GUCY1A2: variants seen among roughly 807,000 people sequenced by gnomAD.
The protein encoded by GUCY1A2 is guanylate cyclase soluble subunit alpha-2.
In GUCY1A2, 27 loss-of-function variants were observed where a neutral mutation model predicts 63.5. That is an observed-to-expected ratio of 0.43 (90% CI 0.31 to 0.59). The LOEUF (loss-of-function observed/expected upper bound fraction) is 0.59, where lower values mean the gene tolerates loss of function less well. Ranked by LOEUF, GUCY1A2 falls within the 20% of genes least tolerant of loss-of-function variation. GUCY1A2 has a pLI of 0.11. For missense variants in GUCY1A2, 768 were observed against 913.3 expected, an observed-to-expected ratio of 0.84 and a Z score of 2.05; for synonymous variants, 364 against 343.5, an observed-to-expected ratio of 1.06 and a Z score of -0.66.
intron 3 of GUCY1A2, among the ~76,000 whole-genome samples, chr11:106,951,563 C>T (rs1003765206): frequency 6.6e-6 from 1 of 152,140 alleles, no homozygotes. Flanking sequence ...TGTTCACATC[C>T]TTTGCCCACT....
intron 6 of GUCY1A2, among the ~76,000 whole-genome samples, chr11:106,721,897 T>C (rs954724038): frequency 6.6e-6 from 1 of 152,198 alleles, no homozygotes; most frequent in Admixed American, 6.5e-5. Context: ...GTTGCACCCA[T>C]AGTACCTATC....
intron 1 of GUCY1A2, among the ~76,000 whole-genome samples, chr11:107,013,036 G>A (rs1861770320): frequency 6.6e-6 from 1 of 151,894 alleles, no homozygotes; most frequent in East Asian, 1.9e-4. Flanking sequence ...TCCTTGACAT[G>A]TATTAAGATA....
chr11:106,859,192 A>T (rs1542689), intron 4 of GUCY1A2, among the ~76,000 whole-genome samples: 129,898 of 151,878 alleles, frequency 0.86, 55,902 homozygotes, highest in Non-Finnish European at 0.91. Context: ...AATTCAATTA[A>T]CAGGCACCAA....
rs1199932737 is a variant in GUCY1A2 at position 106,911,520 on chromosome 11, G to T, written c.1206+27940C>A. Among the ~76,000 whole-genome samples, 3 of 152,076 alleles carry T rather than the reference G, an allele frequency of 2.0e-5. No homozygotes were observed. The East Asian group carries it at 5.8e-4, about 29-fold the overall frequency. On this transcript the variant is annotated intron_variant, in intron 4 of 7. Coordinates refer to ENST00000526355, the MANE Select transcript of GUCY1A2 (RefSeq NM_000855.3). The stretch of plus-strand genomic sequence containing the variant: ...AGAAGCAGCAGAAGTTAAAGCACAG[G>T]ATTTAGGTAATCCTTAAATTCGACA...
At chr11:106,893,972 G>A (rs888838629) in intron 4 of GUCY1A2, among the ~76,000 whole-genome samples, 2 of 152,168 alleles carry the variant, frequency 1.3e-5, no homozygotes, top group Non-Finnish European at 2.9e-5. Context: ...TCCCACAAGG[G>A]AAGGGGGAAA....
At chr11:106,857,725 CT>C (rs796345141) in intron 4 of GUCY1A2, among the ~76,000 whole-genome samples, 41 of 152,252 alleles carry the variant, frequency 2.7e-4, no homozygotes, top group African/African-American at 9.4e-4. Context: ...CATAGATAGA[CT>C]TTTTTCTTGT....
intron 4 of GUCY1A2, chr11:106,826,812 A>C (rs1217688326): frequency 1.2e-6 from 2 of 1,609,082 alleles, no homozygotes; most frequent in African/African-American, 2.7e-5. Flanking sequence ...GCCAGGATGT[A>C]GTACAGATGT....
At chr11:106,795,984 G>A (rs1461208237) in intron 5 of GUCY1A2, among the ~76,000 whole-genome samples, 1 of 152,142 alleles carries the variant, frequency 6.6e-6, no homozygotes, top group Admixed American at 6.5e-5. Flanking sequence ...TTATGAATCT[G>A]GGTGCTCCTG....
rs186940442 is a variant in GUCY1A2, at chr11:106,840,597, A to G, written c.1207-30119T>C. On this transcript the variant is annotated intron_variant, in intron 4 of 7. Transcript: ENST00000526355. ...ACAGAGATTAAGAAATTCCAGCAGT[A>G]AGAATACACACATACATACACATAA... is the stretch of plus-strand genomic sequence containing the variant. 2.6e-3 allele frequency among the ~76,000 whole-genome samples: 395 copies of G among 152,112 alleles called. 2 individuals carry two copies. Among genetic ancestry groups the G allele is most frequent in the Admixed American group, 4.0e-3 (61 of 15,258 alleles).
At chr11:106,709,309 ATATATATT>A (rs1322878582) in intron 6 of GUCY1A2, among the ~76,000 whole-genome samples, 1 of 75,574 alleles carries the variant, frequency 1.3e-5, no homozygotes, top group Non-Finnish European at 2.1e-5. Flanking sequence ...TTTTATATTT[ATATATATT>A]TATATATATT....
At chr11:106,778,420 T>C in intron 5 of GUCY1A2, among the ~76,000 whole-genome samples, 1 of 152,226 alleles carries the variant, frequency 6.6e-6, no homozygotes, top group East Asian at 1.9e-4. Context: ...GGCTACGATG[T>C]GAGCTTTTAA....
At chr11:106,917,312 A>T (rs1860381544) in intron 4 of GUCY1A2, among the ~76,000 whole-genome samples, 1 of 145,494 alleles carries the variant, frequency 6.9e-6, no homozygotes, top group African/African-American at 2.4e-5. Flanking sequence ...TATTAGGAAA[A>T]GATGCAAGAT....
intron 1 of GUCY1A2, among the ~76,000 whole-genome samples, chr11:107,001,585 CTGT>C (rs1036605722): frequency 6.6e-6 from 1 of 151,908 alleles, no homozygotes; most frequent in African/African-American, 2.4e-5. Context: ...TGCATATTCT[CTGT>C]TTTTCTACTT....
intron 6 of GUCY1A2, among the ~76,000 whole-genome samples, chr11:106,756,159 A>G (rs1863970466): frequency 6.6e-6 from 1 of 152,162 alleles, no homozygotes; most frequent in Non-Finnish European, 1.5e-5. Flanking sequence ...ATCAGAGACT[A>G]GGATTGCAAC....
chr11:106,800,903 C>T (rs1389756018), intron 5 of GUCY1A2, among the ~76,000 whole-genome samples: 1 of 151,540 alleles, frequency 6.6e-6, no homozygotes, highest in African/African-American at 2.4e-5. Context: ...AAAAGAATCT[C>T]ATAGAATCAG....
At chr11:106,979,254 G>C (rs1861302655) in intron 2 of GUCY1A2, among the ~76,000 whole-genome samples, 2 of 152,092 alleles carry the variant, frequency 1.3e-5, no homozygotes, top group Non-Finnish European at 2.9e-5. Context: ...AGGAGATCAA[G>C]ACCATCCTGG....
intron 1 of GUCY1A2, among the ~76,000 whole-genome samples, chr11:107,009,679 G>A (rs773936158): frequency 5.3e-5 from 8 of 151,984 alleles, no homozygotes; most frequent in South Asian, 2.1e-4. Flanking sequence ...AGATTATTTC[G>A]ACCACAAAAG....
At chr11:106,912,337 T>C (rs1860306554) in intron 4 of GUCY1A2, among the ~76,000 whole-genome samples, 1 of 152,060 alleles carries the variant, frequency 6.6e-6, no homozygotes, top group Non-Finnish European at 1.5e-5. Flanking sequence ...TGTTGAGCCA[T>C]TTACTATTTC....
chr11:106,784,413 G>A (rs1864520816), intron 5 of GUCY1A2, among the ~76,000 whole-genome samples: 1 of 152,026 alleles, frequency 6.6e-6, no homozygotes, highest in Non-Finnish European at 1.5e-5. Context: ...GGGTGGGGTA[G>A]CCTGAAAATT....
Sources: allele counts gnomAD v4.1 joint callset (sites outside exome capture counted in the v4.1 genomes callset), GRCh38; gene constraint gnomAD v4.1.1; transcripts MANE v1.5; gene names NCBI Gene and HGNC (gene_info 2026-07-23, HGNC 2026-07-21).